The following RBMS1 variants were observed in gnomAD, a reference collection of about 807,000 sequenced individuals.
RBMS1 encodes RNA binding motif single stranded interacting protein 1, also known as RNA-binding motif, single-stranded-interacting protein 1.
A neutral mutation model predicts 62.3 loss-of-function variants in RBMS1; 17 were observed. The observed-to-expected ratio is 0.27, with a 90% CI of 0.19 to 0.41. The LOEUF (loss-of-function observed/expected upper bound fraction) is 0.41, where lower values mean the gene tolerates loss of function less well. RBMS1 is among the 10% of genes least tolerant of loss of function. The pLI, the probability that RBMS1 is intolerant of heterozygous loss-of-function variation, is 1.00. For missense variants in RBMS1, 334 were observed against 504.5 expected (o/e 0.66, Z 3.24); for synonymous variants, 172 against 170.0 (o/e 1.01, Z -0.09).
At chr2:160,347,774 G>A (rs1692265925) in intron 2 of RBMS1, among the ~76,000 whole-genome samples, 1 of 152,016 alleles carries the variant, frequency 6.6e-6, no homozygotes, top group African/African-American at 2.4e-5. Flanking sequence ...TTAGACTAAG[G>A]AATTTTGCTG....
At chr2:160,278,812 C>T (rs566534519) in intron 10 of RBMS1, 154 bp from the exon 11 acceptor site, 10 of 570,818 alleles carry the variant, frequency 1.8e-5, no homozygotes, top group Non-Finnish European at 3.1e-5. Context: ...TAAACAGTTT[C>T]CTAAAAATCT....
intron 2 of RBMS1, among the ~76,000 whole-genome samples, chr2:160,361,118 TGAAG>T (rs1354505600): frequency 6.6e-6 from 1 of 152,230 alleles, no homozygotes; most frequent in Non-Finnish European, 1.5e-5. Context: ...GGTTTAGGAA[TGAAG>T]GAAGGGCTGT....
chr2:160,383,464 G>GGGA (rs71003491), intron 1 of RBMS1, among the ~76,000 whole-genome samples: 66 of 144,998 alleles, frequency 4.6e-4, no homozygotes, highest in Non-Finnish European at 7.1e-4. Flanking sequence ...GGGGGGGGGG[G>GGGA]AACTGACCCA....
chr2:160,486,288 C>G (rs73008348), intron 1 of RBMS1, among the ~76,000 whole-genome samples: 3 of 152,108 alleles, frequency 2.0e-5, no homozygotes, highest in African/African-American at 4.8e-5. Context: ...CTCCACCCCC[C>G]ACCCCCAGTC....
intron 2 of RBMS1, among the ~76,000 whole-genome samples, chr2:160,331,473 C>G (rs1691268748): frequency 6.6e-6 from 1 of 152,192 alleles, no homozygotes; most frequent in Non-Finnish European, 1.5e-5. Flanking sequence ...GCTACATTAT[C>G]TGCATGGCTG....
chr2:160,296,027 C>T (rs181383292), intron 6 of RBMS1, among the ~76,000 whole-genome samples: 10 of 152,294 alleles, frequency 6.6e-5, no homozygotes, highest in Non-Finnish European at 1.0e-4. Context: ...GGGCCCTGCT[C>T]GTGCAAAGGC....
chr2:160,429,347 G>A (rs1460571558), intron 1 of RBMS1, among the ~76,000 whole-genome samples: 1 of 152,160 alleles, frequency 6.6e-6, no homozygotes, highest in Non-Finnish European at 1.5e-5. Context: ...CTGATGGTAA[G>A]AACAGGTCAT....
intron 2 of RBMS1, 107 bp downstream of exon 2, chr2:160,367,109 C>T: frequency 8.8e-7 from 1 of 1,132,612 alleles, no homozygotes; most frequent in Non-Finnish European, 1.2e-6. Flanking sequence ...CACTGAGAGT[C>T]CACAGATACT....
At chr2:160,353,879 A>G (rs1692653800) in intron 2 of RBMS1, among the ~76,000 whole-genome samples, 1 of 152,130 alleles carries the variant, frequency 6.6e-6, no homozygotes, top group Admixed American at 6.6e-5. Context: ...AAGTGTTCAG[A>G]GCACTTGACA....
intron 3 of RBMS1, among the ~76,000 whole-genome samples, chr2:160,315,532 T>C (rs1185888673): frequency 6.6e-6 from 1 of 152,222 alleles, no homozygotes; most frequent in Non-Finnish European, 1.5e-5. Flanking sequence ...GGGCGAGCTA[T>C]GTTTTCTATT....
At chr2:160,342,777 A>C (rs1340609114) in intron 2 of RBMS1, among the ~76,000 whole-genome samples, 1,534 of 149,880 alleles carry the variant, frequency 0.01, 14 homozygotes, top group Non-Finnish European at 0.016. Flanking sequence ...TACAAAAAAA[A>C]AAAAAAAAAA....
chr2:160,487,649 T>C (rs1685651746), intron 1 of RBMS1, among the ~76,000 whole-genome samples: 1 of 152,192 alleles, frequency 6.6e-6, no homozygotes, highest in African/African-American at 2.4e-5. Flanking sequence ...CCACCAACAT[T>C]GATTTAGCAT....
intron 2 of RBMS1, among the ~76,000 whole-genome samples, chr2:160,318,767 G>A (rs554984482): frequency 3.5e-4 from 53 of 152,264 alleles, no homozygotes; most frequent in African/African-American, 1.3e-3. Context: ...CACACTTAAT[G>A]GTGTCAAACA....
chr2:160,340,274 A>G (rs1645664652), intron 2 of RBMS1, among the ~76,000 whole-genome samples: 1 of 152,000 alleles, frequency 6.6e-6, no homozygotes, highest in African/African-American at 2.4e-5. Flanking sequence ...TTATTTGAAA[A>G]CATCTCTAAT....
intron 6 of RBMS1, among the ~76,000 whole-genome samples, chr2:160,288,782 A>G (rs1422700086): frequency 6.6e-6 from 1 of 152,186 alleles, no homozygotes; most frequent in East Asian, 1.9e-4. Context: ...AGGTGCTTTT[A>G]TCTAGAGGGT....
intron 2 of RBMS1, among the ~76,000 whole-genome samples, chr2:160,324,909 C>CAT (rs367702886): frequency 0.019 from 1,492 of 79,182 alleles, 23 homozygotes; most frequent in Non-Finnish European, 0.026. Context: ...TATATATATA[C>CAT]ACACACACAC....
chr2:160,300,843 T>A, intron 5 of RBMS1, 113 bp from the exon 6 acceptor site: 1 of 1,188,160 alleles, frequency 8.4e-7, no homozygotes, highest in Non-Finnish European at 1.1e-6. Context: ...TGAAACCTAG[T>A]AAAAATGTGA....
chr2:160,395,689 G>A (rs549591811), intron 1 of RBMS1, among the ~76,000 whole-genome samples: 3 of 151,694 alleles, frequency 2.0e-5, no homozygotes, highest in African/African-American at 7.3e-5. Context: ...ATAGTCGAGG[G>A]CATCTATTTC....
intron 7 of RBMS1, 80 bp downstream of exon 7, chr2:160,286,889 C>G (rs760875263): frequency 7.5e-6 from 12 of 1,599,942 alleles, no homozygotes; most frequent in Non-Finnish European, 1.0e-5. Flanking sequence ...AGTCAAGATG[C>G]CTTTTTGTGT....
Sources: allele counts gnomAD v4.1 joint callset (sites outside exome capture counted in the v4.1 genomes callset), GRCh38; gene constraint gnomAD v4.1.1; transcripts MANE v1.5; gene names NCBI Gene and HGNC (gene_info 2026-07-23, HGNC 2026-07-21).